The following LARGE1 variants were observed in gnomAD, a reference collection of about 807,000 sequenced individuals.
LARGE1 encodes xylosyl- and glucuronyltransferase LARGE1.
A neutral mutation model predicts 87.6 loss-of-function variants in LARGE1; 43 were observed. The ratio of observed to expected loss-of-function variants is 0.49; its 90% CI spans 0.38 to 0.63. The LOEUF (loss-of-function observed/expected upper bound fraction) is 0.63. LARGE1 is among the 30% of genes least tolerant of loss of function. LARGE1 has a pLI of 0.00. For missense variants in LARGE1, 802 were observed against 1,000.2 expected (o/e 0.80, Z 2.67); for synonymous variants, 434 against 394.6 (o/e 1.10, Z -1.18).
chr22:33,190,325 G>T (rs1442159796), intron 11 of LARGE1, among the ~76,000 whole-genome samples: 3 of 152,100 alleles, frequency 2.0e-5, no homozygotes, highest in African/African-American at 4.8e-5. Context: ...TCCTTCTTCA[G>T]ACTTTAATTC....
intron 11 of LARGE1, among the ~76,000 whole-genome samples, chr22:33,265,890 CGCAGGCA>C (rs1374306864): frequency 6.6e-5 from 10 of 151,082 alleles, no homozygotes; most frequent in Non-Finnish European, 1.5e-5. Flanking sequence ...AATGCAGAAT[CGCAGGCA>C]GCACCAACAG....
chr22:33,736,644 A>C (rs1368292717), intron 2 of LARGE1, among the ~76,000 whole-genome samples: 1 of 152,168 alleles, frequency 6.6e-6, no homozygotes, highest in Non-Finnish European at 1.5e-5. Flanking sequence ...GATGAAGCTC[A>C]ATTTATCTAT....
intron 1 of LARGE1, among the ~76,000 whole-genome samples, chr22:33,858,617 G>A (rs950129288): frequency 1.4e-4 from 22 of 152,090 alleles, no homozygotes; most frequent in Non-Finnish European, 1.9e-4. Flanking sequence ...AGGTGGATGC[G>A]GTCACCTTCC....
intron 6 of LARGE1, among the ~76,000 whole-genome samples, chr22:33,562,744 T>C (rs1011520737): frequency 2.0e-5 from 3 of 152,224 alleles, no homozygotes; most frequent in Non-Finnish European, 4.4e-5. Context: ...ACTAGCACTA[T>C]AGCCATTGCA....
chr22:33,489,677 T>C (rs1366072022), intron 6 of LARGE1, among the ~76,000 whole-genome samples: 1 of 152,170 alleles, frequency 6.6e-6, no homozygotes, highest in Non-Finnish European at 1.5e-5. Context: ...TCCCCAGCCA[T>C]GTGGAACTGT....
rs897409623 is a variant in LARGE1 at position 33,700,158 on chromosome 22, G to A, written c.107-49490C>T. 3.3e-5 allele frequency among the ~76,000 whole-genome samples: 5 copies of A among 152,096 alleles called. No individual in the cohort carries two copies. In the East Asian group the frequency reaches 5.8e-4, roughly 18 times the overall value. ...CAGTGGTTCTCAAAGGGTTGTCCTG[G>A]GAACAGCAGCATCACCTACACAGTA... On this transcript the variant is annotated intron_variant, in intron 2 of 14. Transcript: ENST00000397394.
At chr22:33,908,455 G>A (rs1405500278) in intron 1 of LARGE1, among the ~76,000 whole-genome samples, 1 of 151,544 alleles carries the variant, frequency 6.6e-6, no homozygotes, top group Non-Finnish European at 1.5e-5. Flanking sequence ...GGGCAGGAGG[G>A]GTATGTGCAC....
chr22:33,374,971 C>T (rs74662609), intron 9 of LARGE1, among the ~76,000 whole-genome samples: 13,856 of 152,080 alleles, frequency 0.091, 1,012 homozygotes, highest in African/African-American at 0.21. Flanking sequence ...TTTATGGAAG[C>T]GACTCTAACA....
At chr22:33,541,523 C>T (rs957379638) in intron 6 of LARGE1, among the ~76,000 whole-genome samples, 12 of 152,092 alleles carry the variant, frequency 7.9e-5, no homozygotes, top group Admixed American at 3.9e-4. Context: ...TACGGACATG[C>T]ATTGTTTTAT....
At chr22:33,570,551 G>C (rs1202888909) in intron 5 of LARGE1, among the ~76,000 whole-genome samples, 1 of 151,278 alleles carries the variant, frequency 6.6e-6, no homozygotes, top group Non-Finnish European at 1.5e-5. Context: ...GGGAGGCTGA[G>C]GCAGGAGAAT....
intron 11 of LARGE1, among the ~76,000 whole-genome samples, chr22:33,223,037 G>C: frequency 6.6e-6 from 1 of 152,154 alleles, no homozygotes; most frequent in East Asian, 1.9e-4. Context: ...AGACGCATGG[G>C]TGTGAAGTTG....
intron 6 of LARGE1, among the ~76,000 whole-genome samples, chr22:33,446,930 G>A (rs2067708173): frequency 6.6e-6 from 1 of 152,206 alleles, no homozygotes; most frequent in African/African-American, 2.4e-5. Flanking sequence ...GTCTTGCTCT[G>A]TCACCCAGGC....
chr22:33,674,317 T>C (rs1247704506), intron 2 of LARGE1, among the ~76,000 whole-genome samples: 1 of 152,170 alleles, frequency 6.6e-6, no homozygotes, highest in Non-Finnish European at 1.5e-5. Flanking sequence ...CTTTGACAAC[T>C]CTAGGAACCT....
At chr22:33,635,010 C>T (rs925907333) in intron 3 of LARGE1, among the ~76,000 whole-genome samples, 3 of 151,686 alleles carry the variant, frequency 2.0e-5, no homozygotes, top group Non-Finnish European at 4.4e-5. Context: ...CCCAGTTACT[C>T]GGGAAGCTGA....
intron 6 of LARGE1, among the ~76,000 whole-genome samples, chr22:33,473,805 TTAAA>T (rs1269175711): frequency 1.3e-5 from 2 of 152,094 alleles, no homozygotes; most frequent in Non-Finnish European, 2.9e-5. Flanking sequence ...GAAAAAAATA[TTAAA>T]TGAATGGGAG....
At chr22:33,146,559 T>C in the LARGE1 span, among the ~76,000 whole-genome samples, 5 of 152,162 alleles carry the variant, frequency 3.3e-5, no homozygotes, top group African/African-American at 2.4e-5. Flanking sequence ...TCTCCATTTC[T>C]TCCTTTGCAG....
At chr22:33,793,083 T>C (rs1469893628) in intron 1 of LARGE1, among the ~76,000 whole-genome samples, 1 of 152,176 alleles carries the variant, frequency 6.6e-6, no homozygotes, top group East Asian at 1.9e-4. Context: ...AGCAGTGCCA[T>C]GAAGATTTAT....
At chr22:33,084,824 T>C in the LARGE1 span, among the ~76,000 whole-genome samples, 2 of 152,326 alleles carry the variant, frequency 1.3e-5, no homozygotes, top group South Asian at 4.1e-4. Flanking sequence ...CTAATCAACA[T>C]GGAAAATTAT....
the LARGE1 span, among the ~76,000 whole-genome samples, chr22:33,099,908 G>A: frequency 3.3e-5 from 5 of 152,128 alleles, no homozygotes; most frequent in Admixed American, 2.6e-4. Flanking sequence ...TTCCATAACA[G>A]CTGTTTCAAG....
Sources: allele counts gnomAD v4.1 joint callset (sites outside exome capture counted in the v4.1 genomes callset), GRCh38; gene constraint gnomAD v4.1.1; transcripts MANE v1.5; gene names NCBI Gene and HGNC (gene_info 2026-07-23, HGNC 2026-07-21).